DLL4: variants seen among roughly 807,000 people sequenced by gnomAD.
DLL4 encodes the protein delta-like protein 4.
A neutral mutation model predicts 73.6 loss-of-function variants in DLL4; 7 were observed. The ratio of observed to expected loss-of-function variants is 0.10; its 90% CI spans 0.05 to 0.18. The LOEUF (loss-of-function observed/expected upper bound fraction) is 0.18, where lower values mean the gene tolerates loss of function less well. Among genes scored for constraint, DLL4 ranks in the 10% least tolerant of loss-of-function variants. The pLI is 1.00. For missense variants in DLL4, 614 were observed against 929.9 expected, an observed-to-expected ratio of 0.66 and a Z score of 4.42; for synonymous variants, 345 against 374.3, an observed-to-expected ratio of 0.92 and a Z score of 0.90.
At chr15:40,934,742 G>C (rs1286992897) in intron 7 of DLL4, 25 bp downstream of exon 7, 2 of 1,607,984 alleles carry the variant, frequency 1.2e-6, no homozygotes, top group African/African-American at 2.7e-5. Flanking sequence ...AGCGCAGGAA[G>C]ACAGAGGTGT....
rs139166671 is a variant in DLL4 at position 40,936,965 on chromosome 15, C to T, written c.1943+35C>T. On this transcript the variant is annotated intron_variant, in intron 9 of 10. Transcript: ENST00000249749. The stretch of plus-strand genomic sequence containing the variant: ...ACCCAGAAGCCCAGGGCCTGGCCAC[C>T]GGCCCCGACATGGTTCTGCCTAGGC... The T allele has an allele frequency of 3.1e-3, 4,731 of 1,507,466 alleles. 18 individuals carry two copies. The highest frequency in any genetic ancestry group is 3.4e-3 in the Non-Finnish European group (3,780 of 1,125,216). 93.4% of individuals were successfully genotyped at this position (1,507,466 alleles called of 1,614,324 possible).
At chr15:40,935,146 G>A in intron 8 of DLL4, 29 bp downstream of exon 8, 1 of 1,594,522 alleles carries the variant, frequency 6.3e-7, no homozygotes, top group Non-Finnish European at 8.5e-7. Flanking sequence ...CTAACCTGGT[G>A]GACTGGCCCT....
In DLL4 at chr15:40,934,538, G is replaced by C. The variant is rs1363312639; in HGVS notation, c.851-10G>C. 1.2e-6 allele frequency: 2 copies of C among 1,613,212 alleles called. No individual in the cohort carries two copies. Among genetic ancestry groups the C allele is most frequent in the South Asian group, 1.1e-5 (1 of 91,024 alleles). ...GGCCCTGCTCAGCTGCTTGGTTCCT[G>C]TTTCTGCAGATCTCAACTACTGCAC... On this transcript the variant is annotated splice_polypyrimidine_tract_variant and intron_variant, in intron 6 of 10. Coordinates refer to ENST00000249749, the MANE Select transcript of DLL4 (RefSeq NM_019074.4).
chr15:40,938,350 CAG>C lies in DLL4; in HGVS notation c.*323_*324del, dbSNP rs1892873482. 1 of 283,306 alleles carries C rather than the reference CAG, an allele frequency of 3.5e-6. No individual in the cohort carries two copies. The highest frequency in any genetic ancestry group is 5.1e-5 in the Admixed American group (1 of 19,668). 17.5% of individuals were successfully genotyped at this position (283,306 alleles called of 1,614,324 possible). A position where few individuals can be genotyped will look rare whatever the true frequency, so the allele number is the denominator to read the frequency against. On this transcript the variant is annotated 3_prime_UTR_variant, in exon 11 of 11. Coordinates refer to ENST00000249749, the MANE Select transcript of DLL4 (RefSeq NM_019074.4). ...CCTTCCGGGGCTCCGGCCTGTTTTC[CAG>C]AGAGAGTGGCAGTAGCCCCATGGGG...
At chr15:40,937,382 G>T (rs371718938) in intron 9 of DLL4, 36 bp from the exon 10 acceptor site, 4 of 1,344,614 alleles carry the variant, frequency 3.0e-6, no homozygotes, top group Non-Finnish European at 4.2e-6. Flanking sequence ...GCCTCTCCCC[G>T]TCCCTCCCTT....
rs1391140086 is a variant in DLL4 at position 40,936,555 on chromosome 15, T to C, written c.1568T>C (p.Leu523Ser). 6.2e-7 allele frequency: 1 copy of C among 1,610,144 alleles called. No homozygotes were observed. The highest frequency in any genetic ancestry group is 2.2e-5 in the East Asian group (1 of 44,772). ...AGCCGCTGCGAGTTCCCCGTGGGCTTGCCGCCCAGCTTCCCCTGGGTGGCC... is the reference window on the plus strand; with the variant it reads ...AGCCGCTGCGAGTTCCCCGTGGGCTCGCCGCCCAGCTTCCCCTGGGTGGCC... ...VGSRCEFPVG[L>S]PPSFPWVAVS... Residue 523 changes from leucine (L) to serine (S), a missense_variant, in exon 9 of 11, where the codon TTG (leucine) becomes TCG (serine). Leu to Ser is a moderately radical substitution (Grantham distance 145). This residue lies in a region of DLL4 where 386 missense variants were observed against 541.3 expected (regional missense o/e 0.71). Transcript: ENST00000249749.
chr15:40,937,305 C>A, intron 9 of DLL4, 113 bp from the exon 10 acceptor site: 1 of 790,824 alleles, frequency 1.3e-6, no homozygotes, highest in Non-Finnish European at 2.2e-6. Flanking sequence ...ACGTCCAGCC[C>A]CTGTGTCTTC....
Position 40,929,393 on chromosome 15 carries a change from G to A in DLL4, c.-276G>A. On this transcript the variant is annotated 5_prime_UTR_variant, in exon 1 of 11. Coordinates refer to ENST00000249749, the MANE Select transcript of DLL4 (RefSeq NM_019074.4). This position sits in a 1 kb window ranked among gnomAD's most constrained non-coding sequence, Gnocchi z 7.1. ...CACGAGGCCAAGAGCCGCAGCCCCA[G>A]CCGCCTTGGTGCAGCGTACACCGGC... 1 of 434,476 alleles carries A rather than the reference G, an allele frequency of 2.3e-6. No individual in the cohort carries two copies. The highest frequency in any genetic ancestry group is 4.0e-6 in the Non-Finnish European group (1 of 247,356). The allele number at this position is 434,476 out of a possible 1,614,324, so 26.9% of individuals were successfully genotyped here.
intron 3 of DLL4, chr15:40,931,211 C>T: frequency 2.0e-6 from 1 of 496,366 alleles, no homozygotes; most frequent in Non-Finnish European, 3.6e-6. Flanking sequence ...ACCTCTTTTC[C>T]TCTTTCCCCT....
chr15:40,931,628 A>T lies in DLL4; in HGVS notation c.520A>T (p.Ile174Phe). The change falls in exon 4 of 11, where the codon ATC becomes TTC. Residue 174 changes from isoleucine (I) to phenylalanine (F), a missense_variant. This residue lies in a region of DLL4 where 227 missense variants were observed against 370.8 expected (regional missense o/e 0.61). Coordinates refer to ENST00000249749, the MANE Select transcript of DLL4 (RefSeq NM_019074.4). ...AAGGCTGCGCTACTCTTACCGGGTC[A>T]TCTGCAGTGACAACTACTATGGAGA... ...LTRLRYSYRV[I>F]CSDNYYGDNC... 1 of 1,613,484 alleles carries T rather than the reference A, an allele frequency of 6.2e-7. No homozygotes were observed. Among genetic ancestry groups the T allele is most frequent in the African/African-American group, 1.3e-5 (1 of 75,070 alleles).
In DLL4 at chr15:40,930,833, T is replaced by C; in HGVS notation, c.394+151T>C. The C allele has an allele frequency of 1.3e-6, 1 of 757,798 alleles. No individual in the cohort carries two copies. The highest frequency in any genetic ancestry group is 2.2e-6 in the Non-Finnish European group (1 of 464,422). 46.9% of individuals were successfully genotyped at this position (757,798 alleles called of 1,614,324 possible). A position where few individuals can be genotyped will look rare whatever the true frequency, so the allele number is the denominator to read the frequency against. ...TGCGCCCCGCGCTGGACGCTCGGAT[T>C]CCGCTCGCTGCCTGGACTCAGAGCA... On this transcript the variant is annotated intron_variant, in intron 3 of 10. Transcript: ENST00000249749. This position sits in a 1 kb window ranked among gnomAD's most constrained non-coding sequence, Gnocchi z 5.7.
In DLL4 at chr15:40,932,512, G is replaced by A. The variant is rs1043978101; in HGVS notation, c.850+65G>A. ...ATATGGGGCTGGGGGGTGGAAATCC[G>A]ATTCGTCACCTGGATCCTTCTTACT... is the stretch of plus-strand genomic sequence containing the variant. On this transcript the variant is annotated intron_variant, in intron 6 of 10. Coordinates refer to ENST00000249749, the MANE Select transcript of DLL4 (RefSeq NM_019074.4). 9.5e-5 allele frequency: 151 copies of A among 1,587,096 alleles called. 1 individual carries two copies. Among genetic ancestry groups the A allele is most frequent in the Admixed American group, 3.1e-4 (18 of 57,552 alleles).
chr15:40,931,880 G>C, intron 4 of DLL4, 114 bp downstream of exon 4: 1 of 1,371,964 alleles, frequency 7.3e-7, no homozygotes, highest in Non-Finnish European at 9.9e-7. Context: ...CCTCCTACTA[G>C]CTGGGCCTCA....
rs1355429562 is a variant in DLL4 at position 40,936,543 on chromosome 15, T to C, written c.1556T>C (p.Phe519Ser). The change falls in exon 9 of 11, where the codon TTC (phenylalanine) becomes TCC (serine). Residue 519 changes from phenylalanine to serine, a missense_variant. This residue lies in a region of DLL4 where 386 missense variants were observed against 541.3 expected (regional missense o/e 0.71). Coordinates refer to ENST00000249749, the MANE Select transcript of DLL4 (RefSeq NM_019074.4). The stretch of plus-strand genomic sequence containing the variant: ...GGCTTTGTGGGCAGCCGCTGCGAGT[T>C]CCCCGTGGGCTTGCCGCCCAGCTTC... ...PYGFVGSRCE[F>S]PVGLPPSFPW... The C allele has an allele frequency of 1.2e-6, 2 of 1,610,658 alleles. No homozygotes were observed. Among genetic ancestry groups the C allele is most frequent in the East Asian group, 2.2e-5 (1 of 44,818 alleles).
At position 40,930,430 on chromosome 15, in the gene DLL4, A is replaced by G. The variant is rs1185464940; in HGVS notation, c.337-195A>G. The G allele has an allele frequency of 1.5e-6, 1 of 651,058 alleles. No individual in the cohort carries two copies. The highest frequency in any genetic ancestry group is 1.8e-5 in the African/African-American group (1 of 54,600). 40.3% of individuals were successfully genotyped at this position (651,058 alleles called of 1,614,324 possible). On this transcript the variant is annotated intron_variant, in intron 2 of 10. Transcript: ENST00000249749. This position sits in a 1 kb window ranked among gnomAD's most constrained non-coding sequence, Gnocchi z 5.7. ...CTCCCTTACACTCTCCCGTCTCTCA[A>G]CCCTCCCTCTACCGGGGGTTCTCCT...
At position 40,930,385 on chromosome 15, in the gene DLL4, C is replaced by T. The variant is rs1596191894; in HGVS notation, c.337-240C>T. The T allele has an allele frequency of 1.6e-6, 1 of 631,338 alleles. No homozygotes were observed. The highest frequency in any genetic ancestry group is 2.7e-5 in the East Asian group (1 of 36,498). 39.1% of individuals were successfully genotyped at this position (631,338 alleles called of 1,614,324 possible). A position where few individuals can be genotyped will look rare whatever the true frequency, so the allele number is the denominator to read the frequency against. ...CTACCACTCTGGGGCGGTACCCTAC[C>T]ACCCCCTCCTCCAGTGGCTCTCCCT... On this transcript the variant is annotated intron_variant, in intron 2 of 10. Coordinates refer to ENST00000249749, the MANE Select transcript of DLL4 (RefSeq NM_019074.4). This position sits in a 1 kb window ranked among gnomAD's most constrained non-coding sequence, Gnocchi z 5.7.
In DLL4 at chr15:40,929,891, C is replaced by T; in HGVS notation, c.111C>T (p.Phe37=). ...TCTTCCAGCTGCAGCTGCAGGAGTT[C>T]ATCAACGAGCGCGGCGTACTGGCCA... ...SGVFQLQLQE[F]INERGVLASG... The change falls in exon 2 of 11, where the codon TTC becomes TTT. Residue 37 remains phenylalanine (F), a synonymous_variant. Transcript: ENST00000249749. The surrounding 1 kb of genome is among the most constrained non-coding windows in gnomAD (Gnocchi z 7.1). The T allele has an allele frequency of 6.2e-7, 1 of 1,612,908 alleles. No individual in the cohort carries two copies. The highest frequency in any genetic ancestry group is 8.5e-7 in the Non-Finnish European group (1 of 1,179,774).
intron 5 of DLL4, 27 bp from the exon 6 acceptor site, chr15:40,932,290 T>C (rs1263900059): frequency 3.7e-6 from 6 of 1,613,984 alleles, no homozygotes; most frequent in Non-Finnish European, 5.1e-6. Context: ...GCCTCTCACC[T>C]CACTCTGCCT....
At position 40,929,647 on chromosome 15, in the gene DLL4, G is replaced by A. The variant is rs1304287731; in HGVS notation, c.-22G>A. Reference sequence around the variant, plus strand: ...AGAGCCAGATTGAGGGCCCGCGGGTGGAGAGAGCGACGCCCGAGGGGATGG... The same window carrying A: ...AGAGCCAGATTGAGGGCCCGCGGGTAGAGAGAGCGACGCCCGAGGGGATGG... On this transcript the variant is annotated 5_prime_UTR_variant, in exon 1 of 11. Coordinates refer to ENST00000249749, the MANE Select transcript of DLL4 (RefSeq NM_019074.4). The surrounding 1 kb of genome is among the most constrained non-coding windows in gnomAD (Gnocchi z 7.1). The A allele has an allele frequency of 6.6e-7, 1 of 1,516,206 alleles. No homozygotes were observed. Among genetic ancestry groups the A allele is most frequent in the Non-Finnish European group, 8.8e-7 (1 of 1,142,128 alleles). The allele number at this position is 1,516,206 out of a possible 1,614,324, so 93.9% of individuals were successfully genotyped here.
Sources: allele counts gnomAD v4.1 joint callset, GRCh38; gene constraint gnomAD v4.1.1; regional missense constraint gnomAD v4.1.1; non-coding constraint Gnocchi (gnomAD v3.1); transcripts MANE v1.5; gene names NCBI Gene and HGNC (gene_info 2026-07-23, HGNC 2026-07-21).